Variants in SMCO1 observed in about 807,000 individuals in gnomAD.
SMCO1 encodes the protein single-pass membrane protein with coiled-coil domains 1.
In SMCO1, 9 loss-of-function variants were observed where a neutral mutation model predicts 7.5. The observed-to-expected ratio is 1.20, with a 90% CI of 0.72 to 2.09. The LOEUF is 2.09. SMCO1 is among the 30% of genes most tolerant of loss of function. The pLI, the probability that SMCO1 is intolerant of heterozygous loss-of-function variation, is 0.00. For synonymous variants in SMCO1, 90 were observed against 93.8 expected (o/e 0.96, Z 0.23); for missense variants, 219 against 253.1 (o/e 0.87, Z 0.91).
chr3:196,518,453 A>G (rs1332845196), upstream of SMCO1, among the ~76,000 whole-genome samples: 1 of 152,174 alleles, frequency 6.6e-6, no homozygotes, highest in African/African-American at 2.4e-5. Flanking sequence ...TTCCCCAGAC[A>G]ATGGAGCCAT....
chr3:196,511,014 G>C (rs2108661981), intron 1 of SMCO1, among the ~76,000 whole-genome samples: 1 of 152,318 alleles, frequency 6.6e-6, no homozygotes, highest in South Asian at 2.1e-4. Context: ...TAACCACAAA[G>C]ACTGGAGCAA....
intron 1 of SMCO1, among the ~76,000 whole-genome samples, chr3:196,513,030 C>A (rs1043216992): frequency 6.6e-6 from 1 of 152,116 alleles, no homozygotes; most frequent in Non-Finnish European, 1.5e-5. Flanking sequence ...GTCTACAAGT[C>A]AAAACCATGT....
rs926158298 is a variant in SMCO1 at position 196,513,053 on chromosome 3, G to A, written c.50+2107C>T. 6.6e-5 allele frequency among the ~76,000 whole-genome samples: 10 copies of A among 152,306 alleles called. No individual in the cohort carries two copies. The South Asian group carries it at 2.1e-3, about 32-fold the overall frequency. ...GTCAAAACCATGTGATTTGAGCTAG[G>A]TGCAGTGGCTCACAACTGTAATCAC... On this transcript the variant is annotated intron_variant, in intron 1 of 2. Coordinates refer to ENST00000397537, the MANE Select transcript of SMCO1 (RefSeq NM_001077657.3).
At chr3:196,509,216 A>ATTTTTTTTTT (rs35933912) in intron 2 of SMCO1, among the ~76,000 whole-genome samples, 26 of 108,004 alleles carry the variant, frequency 2.4e-4, no homozygotes, top group South Asian at 1.0e-3. Context: ...CACCCGGCTA[A>ATTTTTTTTTT]TTTTTTTTTT....
chr3:196,507,848 A>G lies in SMCO1; in HGVS notation c.*39T>C. ...ATACTTTTTGCTGTTTCCAAGATAA[A>G]TTACTGTAGGTGGAATCACTGGGTC... On this transcript the variant is annotated 3_prime_UTR_variant, in exon 3 of 3. Coordinates refer to ENST00000397537, the MANE Select transcript of SMCO1 (RefSeq NM_001077657.3). The G allele has an allele frequency of 7.5e-7, 1 of 1,330,876 alleles. No homozygotes were observed. Among genetic ancestry groups the G allele is most frequent in the Non-Finnish European group, 1.0e-6 (1 of 957,948 alleles). The allele number at this position is 1,330,876 out of a possible 1,614,324, so 82.4% of individuals were successfully genotyped here.
chr3:196,519,564 T>A (rs1230829945), upstream of SMCO1, among the ~76,000 whole-genome samples: 6 of 152,248 alleles, frequency 3.9e-5, no homozygotes, highest in African/African-American at 1.4e-4. Context: ...GCACCTATTC[T>A]GTCTCCAATT....
At position 196,509,550 on chromosome 3, in the gene SMCO1, T is replaced by C. The variant is rs748813685; in HGVS notation, c.170A>G (p.Asp57Gly). Reference sequence around the variant, plus strand: ...TGCCCGAACTGCTGTCCACATCTCATCTTGGGCTGCTTGGCTTGCCAAAGC... The same window carrying C: ...TGCCCGAACTGCTGTCCACATCTCACCTTGGGCTGCTTGGCTTGCCAAAGC... ...SKALASQAAQ[D>G]EMWTAVRALQ... is the part of the protein sequence containing the mutation. Residue 57 changes from aspartate to glycine, a missense_variant, in exon 2 of 3, where the codon GAT becomes GGT. By Grantham distance (94) the Asp-to-Gly change is moderately conservative (BLOSUM62 -1). Transcript: ENST00000397537. The C allele has an allele frequency of 5.6e-6, 9 of 1,613,952 alleles. No homozygotes were observed.
upstream of SMCO1, among the ~76,000 whole-genome samples, chr3:196,515,517 G>A (rs1293562901): frequency 6.6e-6 from 1 of 152,156 alleles, no homozygotes; most frequent in African/African-American, 2.4e-5. Flanking sequence ...TAATGACTGT[G>A]TACATTATGG....
chr3:196,512,510 T>C (rs998403468), intron 1 of SMCO1, among the ~76,000 whole-genome samples: 1 of 86,308 alleles, frequency 1.2e-5, no homozygotes, highest in Non-Finnish European at 2.0e-5. Flanking sequence ...ATTTCCTTTC[T>C]TTTTTTTTTT....
At chr3:196,518,449 A>G (rs552865876), upstream of SMCO1, among the ~76,000 whole-genome samples, 1 of 152,290 alleles carries the variant, frequency 6.6e-6, no homozygotes, top group East Asian at 1.9e-4. Flanking sequence ...ATGTTTCCCC[A>G]GACAATGGAG....
chr3:196,513,750 A>G (rs1213989622), intron 1 of SMCO1, among the ~76,000 whole-genome samples: 1 of 152,114 alleles, frequency 6.6e-6, no homozygotes, highest in Admixed American at 6.5e-5. Context: ...CTAGCTTGTC[A>G]ATCAGTATAA....
chr3:196,516,165 C>G (rs1283082786), upstream of SMCO1, among the ~76,000 whole-genome samples: 1 of 147,490 alleles, frequency 6.8e-6, no homozygotes, highest in Admixed American at 6.9e-5. Flanking sequence ...TAAAATAGGA[C>G]TGCTGTTTTC....
upstream of SMCO1, among the ~76,000 whole-genome samples, chr3:196,519,207 A>G (rs1733446767): frequency 6.6e-6 from 1 of 152,224 alleles, no homozygotes; most frequent in Admixed American, 6.5e-5. Flanking sequence ...AGATCAGGAA[A>G]TGCTGTAGTA....
intron 1 of SMCO1, among the ~76,000 whole-genome samples, chr3:196,510,648 T>A (rs1733194828): frequency 6.6e-6 from 1 of 152,138 alleles, no homozygotes; most frequent in Non-Finnish European, 1.5e-5. Flanking sequence ...TCAGCTCAAA[T>A]CCACTGCCTT....
rs1406031448 is a variant in SMCO1, at chr3:196,509,656, G to A, written c.64C>T (p.Leu22Phe). The A allele has an allele frequency of 1.2e-6, 2 of 1,614,046 alleles. No homozygotes were observed. Among genetic ancestry groups the A allele is most frequent in the East Asian group, 2.2e-5 (1 of 44,880 alleles). Residue 22 changes from leucine (L) to phenylalanine (F), a missense_variant, in exon 2 of 3, where the codon CTC (leucine) becomes TTC (phenylalanine). By Grantham distance (22) the Leu-to-Phe change is conservative. Coordinates refer to ENST00000397537, the MANE Select transcript of SMCO1 (RefSeq NM_001077657.3). ...KEAMKRVDHK[L>F]QALETQFKEL... is the part of the protein sequence containing the mutation. Reference sequence around the variant, plus strand: ...TTGAACTGTGTTTCTAACGCTTGGAGTTTGTGGTCTACTCTGTAGGATAAC... The same window carrying A: ...TTGAACTGTGTTTCTAACGCTTGGAATTTGTGGTCTACTCTGTAGGATAAC...
rs962795735 is a variant in SMCO1 at position 196,508,221 on chromosome 3, G to T, written c.311C>A (p.Thr104Asn). 6.2e-7 allele frequency: 1 copy of T among 1,614,148 alleles called. No homozygotes were observed. Among genetic ancestry groups the T allele is most frequent in the South Asian group, 1.1e-5 (1 of 91,070 alleles). Residue 104 changes from threonine (T) to asparagine (N), a missense_variant, in exon 3 of 3, where the codon ACC (threonine) becomes AAC (asparagine). By Grantham distance (65) the Thr-to-Asn change is moderately conservative (BLOSUM62 0). Transcript: ENST00000397537. ...KLPDLVRGLP[T>N]LASVLRRKVK... ...TTTTCTTCTGAGTACAGAGGCTAAG[G>T]TTGGAAGACCTCTCACCAGGTCTGG... is the stretch of plus-strand genomic sequence containing the variant.
chr3:196,515,237 A>G lies in SMCO1; in HGVS notation c.-28T>C, dbSNP rs779562647. ...TCTGAAGGCAAAAGGAAAGAAAACA[A>G]AAACAAAGCAAAACAAAAAAAGCAA... On this transcript the variant is annotated 5_prime_UTR_variant, in exon 1 of 3. Transcript: ENST00000397537. 1 of 1,531,300 alleles carries G rather than the reference A, an allele frequency of 6.5e-7. No individual in the cohort carries two copies. The allele number at this position is 1,531,300 out of a possible 1,614,324, so 94.9% of individuals were successfully genotyped here.
upstream of SMCO1, among the ~76,000 whole-genome samples, chr3:196,515,758 G>GGTAT: frequency 6.6e-6 from 1 of 151,524 alleles, no homozygotes; most frequent in South Asian, 2.1e-4. Flanking sequence ...CCCAGCACTT[G>GGTAT]GGGAAGCCAA....
At chr3:196,510,413 C>A (rs1733188700) in intron 1 of SMCO1, among the ~76,000 whole-genome samples, 1 of 152,136 alleles carries the variant, frequency 6.6e-6, no homozygotes, top group Non-Finnish European at 1.5e-5. Context: ...ATAAAGTTAG[C>A]TAGTGCTGAG....
Sources: gnomAD v4.1 joint callset for allele counts (sites outside exome capture counted in the v4.1 genomes callset) on GRCh38, gnomAD v4.1.1 for gene constraint, MANE v1.5 for transcripts, NCBI Gene and HGNC (gene_info 2026-07-23, HGNC 2026-07-21) for gene names.